The following SLC10A7 variants were observed in gnomAD, a reference collection of about 807,000 sequenced individuals.
SLC10A7 encodes solute carrier family 10 member 7, also known as sodium/bile acid cotransporter 7.
A neutral mutation model predicts 43.2 loss-of-function variants in SLC10A7; 29 were observed. The observed-to-expected ratio is 0.67, with a 90% CI of 0.50 to 0.92. The LOEUF (loss-of-function observed/expected upper bound fraction) is 0.92, where lower values mean the gene tolerates loss of function less well. Among genes scored for constraint, SLC10A7 ranks in the 40% least tolerant of loss-of-function variants. SLC10A7 has a pLI of 0.00. For missense variants in SLC10A7, 295 were observed against 403.2 expected (o/e 0.73, Z 2.30); for synonymous variants, 152 against 144.8 (o/e 1.05, Z -0.35).
rs528748070 is a variant in SLC10A7 at position 146,313,525 on chromosome 4, A to G, written c.472-7516T>C. On this transcript the variant is annotated intron_variant, in intron 6 of 11. Transcript: ENST00000335472. ...AAGCAACTGAGACAATCAGATGGCT[A>G]GTTTTTTTTCAAGTGGTTTTAGGTT... 2.6e-5 allele frequency among the ~76,000 whole-genome samples: 4 copies of G among 152,148 alleles called. No individual in the cohort carries two copies. In the South Asian group the frequency reaches 8.3e-4, roughly 32 times the overall value.
intron 4 of SLC10A7, among the ~76,000 whole-genome samples, chr4:146,450,250 CTTG>C (rs754374408): frequency 2.6e-5 from 4 of 151,890 alleles, no homozygotes; most frequent in Non-Finnish European, 5.9e-5. Context: ...TACTTTTTTT[CTTG>C]TTGTTATTCC....
chr4:146,418,613 CAT>C lies in SLC10A7; in HGVS notation c.435+24168_435+24169del, dbSNP rs199954194. Among the ~76,000 whole-genome samples, 977 of 152,220 alleles carry C rather than the reference CAT, an allele frequency of 6.4e-3. 13 individuals are homozygous for C. The highest frequency in any genetic ancestry group is 0.02 in the African/African-American group (843 of 41,542). On this transcript the variant is annotated intron_variant, in intron 5 of 11. Coordinates refer to ENST00000335472, the MANE Select transcript of SLC10A7 (RefSeq NM_001029998.6). ...CGTTTTTAATTTAATTTACCTGTGA[CAT>C]GTGAAAAACCAAAGCAAAGTGCATT...
chr4:146,446,016 G>T lies in SLC10A7; in HGVS notation c.397-3195C>A, dbSNP rs992479391. 1.3e-5 allele frequency among the ~76,000 whole-genome samples: 2 copies of T among 151,992 alleles called. 1 individual carries two copies. The highest frequency in any genetic ancestry group is 4.2e-4 in the South Asian group (2 of 4,814). On this transcript the variant is annotated intron_variant, in intron 4 of 11. Transcript: ENST00000335472. ...GGGCAGTCCAAAAGGTAAAATTTCA[G>T]GTGGGAAAACAAGAATAGTTCTCAC...
chr4:146,279,411 TGAC>T (rs1729406510), intron 10 of SLC10A7, among the ~76,000 whole-genome samples: 1 of 152,192 alleles, frequency 6.6e-6, no homozygotes. Context: ...ATTTCTTTCT[TGAC>T]GAGATCTATT....
intron 5 of SLC10A7, among the ~76,000 whole-genome samples, chr4:146,418,385 A>G (rs766323533): frequency 2.6e-5 from 4 of 152,160 alleles, no homozygotes; most frequent in Non-Finnish European, 4.4e-5. Flanking sequence ...CAGGCACTAA[A>G]ACAAGCCTGA....
At chr4:146,496,114 T>G (rs773061441) in intron 4 of SLC10A7, among the ~76,000 whole-genome samples, 1 of 152,192 alleles carries the variant, frequency 6.6e-6, no homozygotes, top group Non-Finnish European at 1.5e-5. Flanking sequence ...ATTTTGTTTT[T>G]TTCTACACTA....
intron 5 of SLC10A7, among the ~76,000 whole-genome samples, chr4:146,333,914 G>T (rs1187828400): frequency 6.6e-6 from 1 of 152,134 alleles, no homozygotes; most frequent in Non-Finnish European, 1.5e-5. Context: ...CCAGGCAGAA[G>T]ATGATCTGGG....
At chr4:146,297,220 G>A (rs1459080502) in intron 7 of SLC10A7, among the ~76,000 whole-genome samples, 2 of 152,072 alleles carry the variant, frequency 1.3e-5, no homozygotes, top group Non-Finnish European at 2.9e-5. Flanking sequence ...TTTTCCCTGT[G>A]AAGAGAGAAG....
intron 5 of SLC10A7, among the ~76,000 whole-genome samples, chr4:146,337,107 A>G (rs1457943184): frequency 6.6e-6 from 1 of 152,030 alleles, no homozygotes; most frequent in Non-Finnish European, 1.5e-5. Flanking sequence ...TTTCCAAAAG[A>G]TTTTCATGTA....
chr4:146,343,348 AC>A (rs1220652685), intron 5 of SLC10A7, among the ~76,000 whole-genome samples: 1 of 151,984 alleles, frequency 6.6e-6, no homozygotes, highest in Non-Finnish European at 1.5e-5. Context: ...AACTTAGGAA[AC>A]CCAGAATATA....
intron 5 of SLC10A7, among the ~76,000 whole-genome samples, chr4:146,388,699 C>T (rs1738185367): frequency 6.6e-6 from 1 of 151,428 alleles, no homozygotes; most frequent in African/African-American, 2.4e-5. Context: ...GTGGAGCTTG[C>T]AGTGAGCCGA....
intron 5 of SLC10A7, among the ~76,000 whole-genome samples, chr4:146,352,518 G>A (rs1362050563): frequency 6.6e-6 from 1 of 151,098 alleles, no homozygotes; most frequent in Non-Finnish European, 1.5e-5. Context: ...ATTGAACTCA[G>A]CTCTGCACCA....
chr4:146,289,706 GTTTTTTTTTTTTTT>G (rs776153195), intron 9 of SLC10A7, among the ~76,000 whole-genome samples: 1 of 88,072 alleles, frequency 1.1e-5, no homozygotes, highest in Non-Finnish European at 2.2e-5. Flanking sequence ...CTGATTATTA[GTTTTTTTTTTTTTT>G]TTTTTTTTTT....
rs79952215 is a variant in SLC10A7, at chr4:146,472,480, A to G, written c.397-29659T>C. ...CCTTTCAAGCCCCTTTGCCCTTTCAATCATGAAGCATATTACTCCACTGTC... is the reference window on the plus strand; with the variant it reads ...CCTTTCAAGCCCCTTTGCCCTTTCAGTCATGAAGCATATTACTCCACTGTC... On this transcript the variant is annotated intron_variant, in intron 4 of 11. Transcript: ENST00000335472. Among the ~76,000 whole-genome samples, 251 of 147,608 alleles carry G rather than the reference A, an allele frequency of 1.7e-3. 1 individual carries two copies. Among genetic ancestry groups the G allele is most frequent in the African/African-American group, 5.9e-3 (236 of 39,842 alleles).
intron 6 of SLC10A7, among the ~76,000 whole-genome samples, chr4:146,324,636 C>T (rs1732979019): frequency 6.6e-6 from 1 of 152,166 alleles, no homozygotes; most frequent in South Asian, 2.1e-4. Flanking sequence ...GACAGGCCTG[C>T]ATCCTGTGCC....
chr4:146,429,011 A>G (rs1729579866), intron 5 of SLC10A7, among the ~76,000 whole-genome samples: 1 of 152,114 alleles, frequency 6.6e-6, no homozygotes, highest in East Asian at 1.9e-4. Flanking sequence ...AATCTACTTC[A>G]CAGGATTTTC....
chr4:146,363,145 T>C (rs991085332), intron 5 of SLC10A7, among the ~76,000 whole-genome samples: 32 of 151,854 alleles, frequency 2.1e-4, no homozygotes, highest in African/African-American at 7.3e-4. Context: ...AAAACACACA[T>C]AGACTGAAAA....
chr4:146,388,497 G>A (rs144320942), intron 5 of SLC10A7, among the ~76,000 whole-genome samples: 3 of 152,138 alleles, frequency 2.0e-5, no homozygotes, highest in South Asian at 2.1e-4. Context: ...GGTGGATCAC[G>A]CCTGTAATCC....
At chr4:146,381,137 G>A (rs572263547) in intron 5 of SLC10A7, among the ~76,000 whole-genome samples, 75 of 152,236 alleles carry the variant, frequency 4.9e-4, no homozygotes, top group African/African-American at 1.6e-3. Flanking sequence ...GCCTCAGAAG[G>A]GGCCCATGCA....
Sources: gnomAD v4.1 joint callset for allele counts (sites outside exome capture counted in the v4.1 genomes callset) on GRCh38, gnomAD v4.1.1 for gene constraint, MANE v1.5 for transcripts, NCBI Gene and HGNC (gene_info 2026-07-23, HGNC 2026-07-21) for gene names.